RAPH1: variants seen among roughly 807,000 people sequenced by gnomAD.
RAPH1 encodes ras-associated and pleckstrin homology domains-containing protein 1.
A neutral mutation model predicts 88.1 loss-of-function variants in RAPH1; 18 were observed. That is an observed-to-expected ratio of 0.20 (90% CI 0.14 to 0.30). The LOEUF is 0.30. Among genes scored for constraint, RAPH1 ranks in the 10% least tolerant of loss-of-function variants. The pLI is 1.00. For missense variants in RAPH1, 1,448 were observed against 1,543.2 expected (o/e 0.94, Z 1.03); for synonymous variants, 587 against 559.0 (o/e 1.05, Z -0.71).
At chr2:203,527,750 A>G (rs1313176655) in intron 1 of RAPH1, among the ~76,000 whole-genome samples, 1 of 150,242 alleles carries the variant, frequency 6.7e-6, no homozygotes, top group Non-Finnish European at 1.5e-5. Flanking sequence ...TGGTGAGCCA[A>G]GATTGAGCCA....
At position 203,506,812 on chromosome 2, in the gene RAPH1, C is replaced by CTATATATATCTAGATA. The variant is rs768853766; in HGVS notation, c.1-11460_1-11459insTATCTAGATATATATA. 2.2e-3 allele frequency among the ~76,000 whole-genome samples: 117 copies of CTATATATATCTAGATA among 52,188 alleles called. 4 individuals are homozygous for CTATATATATCTAGATA. The highest frequency in any genetic ancestry group is 0.011 in the African/African-American group (106 of 9,374). The allele number at this position is 52,188 out of a possible 152,430, so 34.2% of individuals were successfully genotyped here. On this transcript the variant is annotated intron_variant, in intron 1 of 13. Coordinates refer to ENST00000319170, the MANE Select transcript of RAPH1 (RefSeq NM_213589.3). ...TATATATCTATATATATATCTATATCTATATATCTATATATATATCTATAT... is the reference window on the plus strand; with the variant it reads ...TATATATCTATATATATATCTATATCTATATATATCTAGATATATATATCTATATATATATCTATAT...
At chr2:203,450,523 A>G (rs1376803213) in intron 10 of RAPH1, among the ~76,000 whole-genome samples, 3 of 152,378 alleles carry the variant, frequency 2.0e-5, no homozygotes, top group South Asian at 2.1e-4. Flanking sequence ...GTATTCTTCT[A>G]TAAAAGGAGG....
intron 1 of RAPH1, among the ~76,000 whole-genome samples, chr2:203,513,888 A>C (rs1049707574): frequency 1.3e-5 from 2 of 150,914 alleles, no homozygotes; most frequent in African/African-American, 4.9e-5. Flanking sequence ...TCTGTCGCCC[A>C]GGCTGGAGTG....
chr2:203,445,503 G>A (rs1029552182), intron 12 of RAPH1: 8 of 153,208 alleles, frequency 5.2e-5, no homozygotes, highest in African/African-American at 1.9e-4. Context: ...TGACCCTCTA[G>A]TGCGAAGTGT....
intron 1 of RAPH1, among the ~76,000 whole-genome samples, chr2:203,527,596 C>T (rs1037256076): frequency 3.3e-5 from 5 of 151,848 alleles, no homozygotes; most frequent in Admixed American, 1.3e-4. Context: ...GTCAGGAGTT[C>T]GAGACCAGCC....
chr2:203,527,744 G>C (rs1412389831), intron 1 of RAPH1, among the ~76,000 whole-genome samples: 1 of 144,696 alleles, frequency 6.9e-6, no homozygotes, highest in Non-Finnish European at 1.5e-5. Context: ...AGGTTGTGGT[G>C]AGCCAAGATT....
chr2:203,501,294 G>C (rs1688729387), intron 1 of RAPH1, among the ~76,000 whole-genome samples: 1 of 152,172 alleles, frequency 6.6e-6, no homozygotes, highest in African/African-American at 2.4e-5. Flanking sequence ...ATAACTGTAG[G>C]GGATTAATTA....
intron 1 of RAPH1, among the ~76,000 whole-genome samples, chr2:203,529,005 A>ATTTTTTTTTTTTTTTTTT (rs66832810): frequency 4.9e-5 from 2 of 41,154 alleles, no homozygotes; most frequent in Admixed American, 4.1e-4. Flanking sequence ...ATATATATAT[A>ATTTTTTTTTTTTTTTTTT]TTTTTTTTTT....
At chr2:203,500,965 G>T (rs770781924) in intron 1 of RAPH1, among the ~76,000 whole-genome samples, 2 of 151,976 alleles carry the variant, frequency 1.3e-5, no homozygotes, top group Non-Finnish European at 2.9e-5. Context: ...CACAAAAATG[G>T]TTTTAGAAAC....
rs7605393 is a variant in RAPH1, at chr2:203,515,991, A to G, written c.-1+19120T>C. On this transcript the variant is annotated intron_variant, in intron 1 of 13. Transcript: ENST00000319170. ...AACTTTTACTCTTCTTAATTGATCT[A>G]AAGATAATAGTTTGTTCAAAATAAT... 4.7e-3 allele frequency among the ~76,000 whole-genome samples: 722 copies of G among 152,350 alleles called. 10 individuals carry two copies. Among genetic ancestry groups the G allele is most frequent in the African/African-American group, 0.016 (686 of 41,578 alleles).
chr2:203,503,488 A>C (rs1399377195), intron 1 of RAPH1, among the ~76,000 whole-genome samples: 1 of 152,122 alleles, frequency 6.6e-6, no homozygotes, highest in East Asian at 1.9e-4. Context: ...TAGCACAAGA[A>C]AGACTGGCCC....
intron 4 of RAPH1, 151 bp downstream of exon 4, chr2:203,489,433 T>C (rs968033309): frequency 1.4e-5 from 7 of 502,408 alleles, no homozygotes; most frequent in Middle Eastern, 5.5e-4. Flanking sequence ...TCTGATAATA[T>C]ATTCCTTCTG....
At chr2:203,473,738 G>A (rs2098535105) in intron 4 of RAPH1, among the ~76,000 whole-genome samples, 1 of 152,088 alleles carries the variant, frequency 6.6e-6, no homozygotes, top group Admixed American at 6.5e-5. Flanking sequence ...TATGTTGTGA[G>A]TTAATAAAAA....
In RAPH1 at chr2:203,440,230, G is replaced by C; in HGVS notation, c.2960C>G (p.Ala987Gly). 1 of 1,614,036 alleles carries C rather than the reference G, an allele frequency of 6.2e-7. No individual in the cohort carries two copies. The change falls in exon 14 of 14, where the codon GCA (alanine) becomes GGA (glycine). Residue 987 changes from alanine to glycine, a missense_variant. Ala to Gly is a moderately conservative substitution (Grantham distance 60). Around this residue, in one of 2 missense-constraint regions of RAPH1, gnomAD observed 935 missense variants for 890.1 expected, o/e 1.05. Transcript: ENST00000319170. ...GGGTCTCTTGGGCTCGGGGTGCTCT[G>C]CACCACTGCTGGATTTAATGCTGGA... Reference protein sequence around the residue: ...RNSSIKSSSGAEHPEPKRPSV... With the variant: ...RNSSIKSSSGGEHPEPKRPSV...
intron 4 of RAPH1, among the ~76,000 whole-genome samples, chr2:203,471,083 C>T (rs1033417803): frequency 6.2e-4 from 94 of 152,226 alleles, no homozygotes; most frequent in African/African-American, 2.2e-3. Context: ...TAAGTTAATA[C>T]AATTGTATTT....
chr2:203,515,109 G>T (rs1689536632), intron 1 of RAPH1, among the ~76,000 whole-genome samples: 1 of 151,744 alleles, frequency 6.6e-6, no homozygotes, highest in Non-Finnish European at 1.5e-5. Flanking sequence ...GAAAGTAGAG[G>T]GTATCATCTC....
intron 10 of RAPH1, among the ~76,000 whole-genome samples, chr2:203,449,227 G>A (rs948796864): frequency 1.3e-5 from 2 of 152,204 alleles, no homozygotes; most frequent in Non-Finnish European, 2.9e-5. Flanking sequence ...AATTATGGGT[G>A]CAGAAGACTC....
chr2:203,520,834 A>G (rs1248873344), intron 1 of RAPH1, among the ~76,000 whole-genome samples: 2 of 152,196 alleles, frequency 1.3e-5, no homozygotes, highest in African/African-American at 4.8e-5. Flanking sequence ...GAGCCATTTG[A>G]AAAACACATA....
intron 1 of RAPH1, among the ~76,000 whole-genome samples, chr2:203,505,875 C>T (rs1394904769): frequency 1.3e-5 from 2 of 152,210 alleles, no homozygotes; most frequent in Non-Finnish European, 2.9e-5. Context: ...CTGCTCCACA[C>T]TTCAGACCTT....
Sources: allele counts gnomAD v4.1 joint callset (sites outside exome capture counted in the v4.1 genomes callset), GRCh38; gene constraint gnomAD v4.1.1; regional missense constraint gnomAD v4.1.1; transcripts MANE v1.5; gene names NCBI Gene and HGNC (gene_info 2026-07-23, HGNC 2026-07-21).